Variants in ZNF81 observed in about 807,000 individuals in gnomAD.
ZNF81 encodes the protein zinc finger protein 81.
In ZNF81, 5 loss-of-function variants were observed where a neutral mutation model predicts 32.3. That is an observed-to-expected ratio of 0.15 (90% CI 0.08 to 0.33). The LOEUF (loss-of-function observed/expected upper bound fraction) is 0.33, where lower values mean the gene tolerates loss of function less well. ZNF81 is among the 10% of genes least tolerant of loss of function. ZNF81 has a pLI of 1.00. For synonymous variants in ZNF81, 163 were observed against 166.8 expected (o/e 0.98, Z 0.17); for missense variants, 379 against 479.8 (o/e 0.79, Z 1.96).
At chrX:47,839,649 C>A (rs2058438756) in intron 1 of ZNF81, among the ~76,000 whole-genome samples, 1 of 111,686 alleles carries the variant, frequency 9.0e-6, no homozygotes, top group African/African-American at 3.3e-5. Flanking sequence ...TAAAAAAAAA[C>A]TGAAATCTGA....
intron 4 of ZNF81, among the ~76,000 whole-genome samples, chrX:47,907,917 A>G (rs1457832131): frequency 1.8e-5 from 2 of 111,834 alleles, no homozygotes; most frequent in Non-Finnish European, 3.8e-5. Context: ...ACCTATCCAC[A>G]AACAAAGCTC....
chrX:47,860,130 A>G (rs1043375826), intron 2 of ZNF81, among the ~76,000 whole-genome samples: 5 of 107,769 alleles, frequency 4.6e-5, no homozygotes, highest in African/African-American at 1.4e-4. Context: ...TCTTAATCCC[A>G]TGCAATTTCC....
At chrX:47,911,144 A>G (rs2058738010) in intron 4 of ZNF81, among the ~76,000 whole-genome samples, 2 of 111,319 alleles carry the variant, frequency 1.8e-5, no homozygotes, top group Admixed American at 9.6e-5. Flanking sequence ...ATAACACATG[A>G]CCAATAACTT....
chrX:47,850,451 GTTTA>G (rs2058489460), intron 2 of ZNF81, among the ~76,000 whole-genome samples: 1 of 109,984 alleles, frequency 9.1e-6, no homozygotes, highest in Admixed American at 9.7e-5. Context: ...AATTTGTTGT[GTTTA>G]TTTCAATTTA....
chrX:47,894,538 C>A (rs1418684238), intron 3 of ZNF81, among the ~76,000 whole-genome samples: 4 of 111,112 alleles, frequency 3.6e-5, no homozygotes, highest in African/African-American at 1.3e-4. Flanking sequence ...TGTGTGTCTC[C>A]TGGTGGAAGT....
intron 2 of ZNF81, among the ~76,000 whole-genome samples, chrX:47,872,334 C>G (rs191952757): frequency 1.8e-5 from 2 of 111,878 alleles, no homozygotes; most frequent in East Asian, 5.6e-4. Flanking sequence ...TTGCATTGTT[C>G]TTCAGTTTTA....
chrX:47,885,137 G>A (rs1260104170), intron 2 of ZNF81, among the ~76,000 whole-genome samples: 2 of 112,230 alleles, frequency 1.8e-5, no homozygotes, highest in African/African-American at 3.2e-5. Flanking sequence ...CTTCTGTTGA[G>A]CAGTAAGTGG....
intron 2 of ZNF81, among the ~76,000 whole-genome samples, chrX:47,878,523 A>G (rs2058608597): frequency 8.9e-6 from 1 of 112,522 alleles, no homozygotes; most frequent in Admixed American, 9.3e-5. Context: ...GGAACCTGAG[A>G]CTGACCATCA....
At chrX:47,907,486 A>G (rs2058724793) in intron 4 of ZNF81, among the ~76,000 whole-genome samples, 1 of 111,278 alleles carries the variant, frequency 9.0e-6, no homozygotes. Flanking sequence ...GTAAGTGTGT[A>G]TAAAAGTTGT....
chrX:47,873,453 G>A (rs1005045611), intron 2 of ZNF81, among the ~76,000 whole-genome samples: 1 of 111,629 alleles, frequency 9.0e-6, no homozygotes, highest in Non-Finnish European at 1.9e-5. Context: ...CCTTAGTGGA[G>A]GGTTTTCTCC....
chrX:47,876,608 T>C (rs1226928128), intron 2 of ZNF81, among the ~76,000 whole-genome samples: 2 of 112,349 alleles, frequency 1.8e-5, no homozygotes, highest in Non-Finnish European at 3.8e-5. Context: ...CCCATGGAAG[T>C]GTCTTCTACC....
At position 47,895,921 on chromosome X, in the gene ZNF81, C is replaced by T; in HGVS notation, c.258C>T (p.Ala86=). The T allele has an allele frequency of 8.3e-7, 1 of 1,208,144 alleles. No individual in the cohort carries two copies. The highest frequency in any genetic ancestry group is 1.7e-5 in the African/African-American group (1 of 57,733). ...GEGPWTLEGE[A]PHQSCSDGKF... The stretch of plus-strand genomic sequence containing the variant: ...GGCCATGGACATTGGAAGGGGAAGC[C>T]CCACATCAGAGCTGTTCAGGTGAGT... Residue 86 remains alanine, a synonymous_variant, in exon 4 of 5, where the codon GCC becomes GCT. Transcript: ENST00000338637.
chrX:47,858,242 C>T (rs1037798237), intron 2 of ZNF81, among the ~76,000 whole-genome samples: 13 of 111,922 alleles, frequency 1.2e-4, no homozygotes, highest in African/African-American at 3.6e-4. Flanking sequence ...TTTCAACATC[C>T]ATTCTTGATT....
In ZNF81 at chrX:47,867,023, G is replaced by A. The variant is rs372417526; in HGVS notation, c.54+20702G>A. On this transcript the variant is annotated intron_variant, in intron 2 of 4. Transcript: ENST00000338637. ...AGGAACAGAAAATGAAACACCACAT[G>A]TTTTCATTTATAAGTGGGAGCTGAA... Among the ~76,000 whole-genome samples the A allele has an allele frequency of 2.7e-5, 3 of 111,579 alleles. No homozygotes were observed. The East Asian group carries it at 8.5e-4, about 32-fold the overall frequency.
chrX:47,901,355 G>A (rs1196607986), intron 4 of ZNF81, among the ~76,000 whole-genome samples: 1 of 111,056 alleles, frequency 9.0e-6, no homozygotes, highest in Non-Finnish European at 1.9e-5. Context: ...TTTCCTTTTT[G>A]GTCTATATGC....
Position 47,916,775 on chromosome X carries a change from G to GA in ZNF81, c.*150dup. On this transcript the variant is annotated 3_prime_UTR_variant, in exon 5 of 5. Coordinates refer to ENST00000338637, the MANE Select transcript of ZNF81 (RefSeq NM_007137.5). ...GCATCAGGCTATCTCACTTGAGATG[G>GA]AAAAAAATTATTCAGAAGAAACTCT... 1.6e-6 allele frequency: 1 copy of GA among 624,616 alleles called. No homozygotes were observed. Among genetic ancestry groups the GA allele is most frequent in the Non-Finnish European group, 2.3e-6 (1 of 444,086 alleles). The allele number at this position is 624,616 out of a possible 1,213,427, so 51.5% of individuals were successfully genotyped here.
chrX:47,916,766 C>T lies in ZNF81; in HGVS notation c.*134C>T. On this transcript the variant is annotated 3_prime_UTR_variant, in exon 5 of 5. Coordinates refer to ENST00000338637, the MANE Select transcript of ZNF81 (RefSeq NM_007137.5). Reference sequence around the variant, plus strand: ...TAAGGAAAAGCATCAGGCTATCTCACTTGAGATGGAAAAAAATTATTCAGA... The same window carrying T: ...TAAGGAAAAGCATCAGGCTATCTCATTTGAGATGGAAAAAAATTATTCAGA... 1 of 682,166 alleles carries T rather than the reference C, an allele frequency of 1.5e-6. No homozygotes were observed. The highest frequency in any genetic ancestry group is 2.0e-6 in the Non-Finnish European group (1 of 495,971). 56.2% of individuals were successfully genotyped at this position (682,166 alleles called of 1,213,427 possible).
At chrX:47,871,605 G>T (rs1162435266) in intron 2 of ZNF81, among the ~76,000 whole-genome samples, 1 of 111,872 alleles carries the variant, frequency 8.9e-6, no homozygotes, top group African/African-American at 3.3e-5. Context: ...CCAGGATCTG[G>T]TAAAAGAGTA....
chrX:47,847,268 G>A (rs782384695), intron 2 of ZNF81, among the ~76,000 whole-genome samples: 14 of 111,295 alleles, frequency 1.3e-4, no homozygotes, highest in Admixed American at 1.1e-3. Flanking sequence ...AGGTTGAAGC[G>A]CAGTGGCACG....
Sources: allele counts gnomAD v4.1 joint callset (sites outside exome capture counted in the v4.1 genomes callset), GRCh38; gene constraint gnomAD v4.1.1; transcripts MANE v1.5; gene names NCBI Gene and HGNC (gene_info 2026-07-23, HGNC 2026-07-21).